CACNB2: variants seen among roughly 807,000 people sequenced by gnomAD.
CACNB2 encodes the protein calcium voltage-gated channel auxiliary subunit beta 2, also known as voltage-dependent L-type calcium channel subunit beta-2.
CACNB2 carries 42 observed loss-of-function variants against 73.3 expected under a neutral mutation model. The observed-to-expected ratio is 0.57, with a 90% confidence interval of 0.45 to 0.74. The LOEUF (loss-of-function observed/expected upper bound fraction) is 0.74. Ranked by LOEUF, CACNB2 falls within the 30% of genes least tolerant of loss-of-function variation. The pLI is 0.00. For missense variants in CACNB2, 940 were observed against 853.0 expected, an observed-to-expected ratio of 1.10 and a Z score of -1.27; for synonymous variants, 348 against 310.3, an observed-to-expected ratio of 1.12 and a Z score of -1.28.
intron 2 of CACNB2, among the ~76,000 whole-genome samples, chr10:18,222,990 T>G (rs2035854429): frequency 6.6e-6 from 1 of 152,148 alleles, no homozygotes; most frequent in Admixed American, 6.5e-5. Flanking sequence ...TTTCATTCCT[T>G]TGTTAACTTT....
intron 2 of CACNB2, among the ~76,000 whole-genome samples, chr10:18,182,838 A>G (rs2033959418): frequency 1.3e-5 from 2 of 151,948 alleles, no homozygotes; most frequent in South Asian, 4.1e-4. Flanking sequence ...AAAAAAAACA[A>G]AAACCCATAA....
rs561173938 is a variant in CACNB2, at chr10:18,534,331, T to C, written c.1206+104T>C. 56 of 1,025,616 alleles carry C rather than the reference T, an allele frequency of 5.5e-5. No individual in the cohort carries two copies. In the African/African-American group the frequency reaches 6.9e-4, roughly 13 times the overall value. The allele number at this position is 1,025,616 out of a possible 1,614,324, so 63.5% of individuals were successfully genotyped here. On this transcript the variant is annotated intron_variant, in intron 11 of 13. Transcript: ENST00000324631. The stretch of plus-strand genomic sequence containing the variant: ...CTATTGTAATAGCCTTTATGATGTA[T>C]AGAGAATTTGAGGAGACATGATAGT...
chr10:18,436,637 T>C (rs1463790697), intron 3 of CACNB2, among the ~76,000 whole-genome samples: 1 of 152,194 alleles, frequency 6.6e-6, no homozygotes, highest in Non-Finnish European at 1.5e-5. Context: ...GTTTTTTAAC[T>C]CAAAAGCACC....
At chr10:18,158,639 G>T (rs2032229448) in intron 2 of CACNB2, among the ~76,000 whole-genome samples, 1 of 152,024 alleles carries the variant, frequency 6.6e-6, no homozygotes, top group Admixed American at 6.6e-5. Flanking sequence ...AAGTGAATTA[G>T]TTTTTCATAT....
chr10:18,458,995 C>A (rs564702024), intron 3 of CACNB2, among the ~76,000 whole-genome samples: 2 of 152,096 alleles, frequency 1.3e-5, no homozygotes, highest in Non-Finnish European at 2.9e-5. Flanking sequence ...GAACTCCTCA[C>A]CTCAGGTCAT....
intron 2 of CACNB2, among the ~76,000 whole-genome samples, chr10:18,255,392 C>A (rs1207706036): frequency 4.6e-5 from 7 of 152,152 alleles, no homozygotes; most frequent in African/African-American, 7.2e-5. Flanking sequence ...TCTGACCCTT[C>A]TAATTCTCGA....
chr10:18,539,841 A>ATTTTGTATTATTGCT lies in CACNB2; in HGVS notation c.*118_*132dup. 2 of 1,058,238 alleles carry ATTTTGTATTATTGCT rather than the reference A, an allele frequency of 1.9e-6. No individual in the cohort carries two copies. Among genetic ancestry groups the ATTTTGTATTATTGCT allele is most frequent in the South Asian group, 3.1e-5 (2 of 64,938 alleles). The allele number at this position is 1,058,238 out of a possible 1,614,324, so 65.6% of individuals were successfully genotyped here. Reference sequence around the variant, plus strand: ...AATCATATGTGATCTGTCTTGTAATATTTTGTATTATTGCTGTTGCTTGAA... The same window carrying ATTTTGTATTATTGCT: ...AATCATATGTGATCTGTCTTGTAATATTTTGTATTATTGCTTTTTGTATTATTGCTGTTGCTTGAA... On this transcript the variant is annotated 3_prime_UTR_variant, in exon 14 of 14. Transcript: ENST00000324631.
chr10:18,308,183 C>T (rs77952637), intron 2 of CACNB2, among the ~76,000 whole-genome samples: 28,496 of 151,324 alleles, frequency 0.19, 2,764 homozygotes, highest in Middle Eastern at 0.24. Context: ...TGGTAGAGTC[C>T]GGGTTTCGCC....
At chr10:18,344,122 A>C (rs1312910532) in intron 2 of CACNB2, among the ~76,000 whole-genome samples, 1 of 151,750 alleles carries the variant, frequency 6.6e-6, no homozygotes, top group African/African-American at 2.4e-5. Flanking sequence ...GTATGTTATA[A>C]GACAAATAAT....
intron 2 of CACNB2, among the ~76,000 whole-genome samples, chr10:18,282,924 A>T (rs895058395): frequency 6.6e-6 from 1 of 152,248 alleles, no homozygotes; most frequent in Admixed American, 6.5e-5. Context: ...TACCCATCTG[A>T]CAAAGGGCTA....
chr10:18,480,540 T>C (rs2048670535), intron 3 of CACNB2, among the ~76,000 whole-genome samples: 2 of 152,230 alleles, frequency 1.3e-5, no homozygotes, highest in Non-Finnish European at 2.9e-5. Flanking sequence ...AGTTCTGTGT[T>C]CCCACTGCCA....
At chr10:18,167,297 A>G (rs1316044237) in intron 2 of CACNB2, among the ~76,000 whole-genome samples, 1 of 152,154 alleles carries the variant, frequency 6.6e-6, no homozygotes, top group Non-Finnish European at 1.5e-5. Flanking sequence ...TGGGGCCTCC[A>G]AAAGGGGGAA....
chr10:18,405,098 T>C (rs1363109807), intron 3 of CACNB2, among the ~76,000 whole-genome samples: 1 of 152,224 alleles, frequency 6.6e-6, no homozygotes, highest in African/African-American at 2.4e-5. Context: ...CACGTTGATC[T>C]TCTCTTTGAA....
At chr10:18,327,512 C>T (rs1202799939) in intron 2 of CACNB2, among the ~76,000 whole-genome samples, 3 of 152,134 alleles carry the variant, frequency 2.0e-5, no homozygotes, top group South Asian at 4.1e-4. Context: ...GCAACCTCCA[C>T]CTGCTGGACT....
At chr10:18,351,229 A>G (rs556807533) in intron 2 of CACNB2, among the ~76,000 whole-genome samples, 32 of 151,026 alleles carry the variant, frequency 2.1e-4, no homozygotes, top group African/African-American at 7.3e-4. Context: ...TCTTTAAAAT[A>G]TGTTTCTTTT....
intron 2 of CACNB2, among the ~76,000 whole-genome samples, chr10:18,171,949 C>T (rs1273563319): frequency 6.6e-6 from 1 of 152,078 alleles, no homozygotes; most frequent in Non-Finnish European, 1.5e-5. Flanking sequence ...TCTGTTTCTT[C>T]TCTGTGGAGC....
chr10:18,361,573 C>T (rs890383678), intron 2 of CACNB2, among the ~76,000 whole-genome samples: 1 of 149,124 alleles, frequency 6.7e-6, no homozygotes, highest in African/African-American at 2.5e-5. Flanking sequence ...CATTTCTCCA[C>T]GGTTGTTATA....
In CACNB2 at chr10:18,175,363, G is replaced by C. The variant is rs536152118; in HGVS notation, c.213+24388G>C. Among the ~76,000 whole-genome samples, 7 of 152,244 alleles carry C rather than the reference G, an allele frequency of 4.6e-5. No individual in the cohort carries two copies. The East Asian group carries it at 5.8e-4, about 13-fold the overall frequency. ...CAAATACGCAGCTGGCCACCTTTTT[G>C]CTACTAGTTTACTTTGTCGCATATA... On this transcript the variant is annotated intron_variant, in intron 2 of 13. Coordinates refer to ENST00000324631, the MANE Select transcript of CACNB2 (RefSeq NM_201596.3).
intron 2 of CACNB2, chr10:18,340,562 A>C (rs1206897420): frequency 8.5e-6 from 4 of 471,296 alleles, no homozygotes; most frequent in Non-Finnish European, 1.3e-5. Context: ...GCCTGGAGGG[A>C]CCTGTCGCAT....
Sources: gnomAD v4.1 joint callset for allele counts (sites outside exome capture counted in the v4.1 genomes callset) on GRCh38, gnomAD v4.1.1 for gene constraint, MANE v1.5 for transcripts, NCBI Gene and HGNC (gene_info 2026-07-23, HGNC 2026-07-21) for gene names.